Variants in SHROOM3 observed in about 807,000 individuals in gnomAD.
The protein encoded by SHROOM3 is shroom family member 3.
A neutral mutation model predicts 138.6 loss-of-function variants in SHROOM3; 47 were observed. That is an observed-to-expected ratio of 0.34 (90% CI 0.27 to 0.43). The LOEUF (loss-of-function observed/expected upper bound fraction) is 0.43. Among genes scored for constraint, SHROOM3 ranks in the 20% least tolerant of loss-of-function variants. The pLI is 1.00. For synonymous variants in SHROOM3, 1,062 were observed against 1,063.3 expected (o/e 1.00, Z 0.02); for missense variants, 2,491 against 2,596.5 (o/e 0.96, Z 0.88).
intron 5 of SHROOM3, among the ~76,000 whole-genome samples, chr4:76,745,015 G>T (rs1048080498): frequency 6.6e-6 from 1 of 152,222 alleles, no homozygotes; most frequent in African/African-American, 2.4e-5. Flanking sequence ...ACCTTCTCAT[G>T]TATTTGGCAG....
chr4:76,622,455 C>T (rs577040710), intron 2 of SHROOM3, among the ~76,000 whole-genome samples: 34 of 151,990 alleles, frequency 2.2e-4, no homozygotes, highest in Admixed American at 5.9e-4. Flanking sequence ...TGTTTTCAAA[C>T]GAACTGGTTC....
At chr4:76,713,605 G>A (rs1720292424) in intron 3 of SHROOM3, among the ~76,000 whole-genome samples, 1 of 152,146 alleles carries the variant, frequency 6.6e-6, no homozygotes, top group Admixed American at 6.5e-5. Context: ...ATGATTAAAA[G>A]TATAATATAG....
At chr4:76,671,167 C>G (rs565810168) in intron 2 of SHROOM3, among the ~76,000 whole-genome samples, 4 of 152,166 alleles carry the variant, frequency 2.6e-5, no homozygotes, top group Non-Finnish European at 5.9e-5. Flanking sequence ...ACCAAGCAGA[C>G]CCCTGGCCTC....
At chr4:76,454,200 C>T (rs576883798) in intron 1 of SHROOM3, among the ~76,000 whole-genome samples, 1 of 152,096 alleles carries the variant, frequency 6.6e-6, no homozygotes, top group African/African-American at 2.4e-5. Context: ...TCAACCACCA[C>T]ACCTGACTAA....
At position 76,741,045 on chromosome 4, in the gene SHROOM3, C is replaced by T. The variant is rs747506693; in HGVS notation, c.2872C>T (p.Arg958Trp). ...LGAPVASRSW[R>W]PRPSSAHVGL... is the part of the protein sequence containing the mutation. ...GGCGCCCGTGGCGTCGAGGTCCTGG[C>T]GGCCACGGCCTTCCTCGGCCCACGT... is the stretch of plus-strand genomic sequence containing the variant. The change falls in exon 5 of 11, where the codon CGG (arginine) becomes TGG (tryptophan). Residue 958 changes from arginine to tryptophan, a missense_variant. Physicochemically the swap from Arg to Trp is moderately radical, Grantham distance 101. Coordinates refer to ENST00000296043, the MANE Select transcript of SHROOM3 (RefSeq NM_020859.4). This position sits in a 1 kb window ranked among gnomAD's most constrained non-coding sequence, Gnocchi z 6.2. The T allele has an allele frequency of 2.0e-6, 3 of 1,491,374 alleles. No individual in the cohort carries two copies. Among genetic ancestry groups the T allele is most frequent in the Non-Finnish European group, 2.7e-6 (3 of 1,125,300 alleles). 92.4% of individuals were successfully genotyped at this position (1,491,374 alleles called of 1,614,324 possible).
rs79055696 is a variant in SHROOM3 at position 76,634,848 on chromosome 4, G to A, written c.324-75308G>A. ...GAAAGAGATGTATTGAACTCTGTTA[G>A]CACATACACACACTCTAAAAGCAGA... On this transcript the variant is annotated intron_variant, in intron 2 of 10. Coordinates refer to ENST00000296043, the MANE Select transcript of SHROOM3 (RefSeq NM_020859.4). Among the ~76,000 whole-genome samples, 307 of 152,278 alleles carry A rather than the reference G, an allele frequency of 2.0e-3. 1 individual carries two copies. Among genetic ancestry groups the A allele is most frequent in the African/African-American group, 7.1e-3 (297 of 41,548 alleles).
chr4:76,520,893 C>T (rs933828415), intron 1 of SHROOM3, among the ~76,000 whole-genome samples: 4 of 152,192 alleles, frequency 2.6e-5, no homozygotes, highest in Non-Finnish European at 4.4e-5. Flanking sequence ...ATCACCACAG[C>T]TTTTTCCCCA....
intron 2 of SHROOM3, among the ~76,000 whole-genome samples, chr4:76,647,234 T>C (rs372596757): frequency 6.6e-6 from 1 of 151,790 alleles, no homozygotes; most frequent in Admixed American, 6.6e-5. Context: ...AGGTAGAGAG[T>C]CGAGTGTTAG....
At chr4:76,446,578 A>G (rs1234095073) in intron 1 of SHROOM3, among the ~76,000 whole-genome samples, 2 of 152,170 alleles carry the variant, frequency 1.3e-5, no homozygotes, top group South Asian at 2.1e-4. Flanking sequence ...TAGGCCATGA[A>G]AAAACCTCAA....
In SHROOM3 at chr4:76,736,288, C is replaced by A. The variant is rs1412576935; in HGVS notation, c.588-2473C>A. 2.6e-5 allele frequency among the ~76,000 whole-genome samples: 4 copies of A among 152,226 alleles called. No individual in the cohort carries two copies. In the East Asian group the frequency reaches 7.7e-4, roughly 29 times the overall value. ...CCATTGAGTGCCGGGTCTGATTTCC[C>A]TGATCTGGCTGGCTTGGGAGCTATT... On this transcript the variant is annotated intron_variant, in intron 4 of 10. Coordinates refer to ENST00000296043, the MANE Select transcript of SHROOM3 (RefSeq NM_020859.4).
Position 76,578,601 on chromosome 4 carries a change from C to T in SHROOM3, c.323+22838C>T, listed in dbSNP as rs532518265. Among the ~76,000 whole-genome samples, 11 of 152,172 alleles carry T rather than the reference C, an allele frequency of 7.2e-5. No individual in the cohort carries two copies. The South Asian group carries it at 2.1e-3, about 29-fold the overall frequency. On this transcript the variant is annotated intron_variant, in intron 2 of 10. Coordinates refer to ENST00000296043, the MANE Select transcript of SHROOM3 (RefSeq NM_020859.4). ...CAGTTTCTCATGGCTAAGATGTGAA[C>T]GAGACAACAATAGGCAAAGCTCATT...
intron 2 of SHROOM3, among the ~76,000 whole-genome samples, chr4:76,623,274 C>T (rs1395940275): frequency 6.6e-6 from 1 of 152,182 alleles, no homozygotes; most frequent in Non-Finnish European, 1.5e-5. Flanking sequence ...CAACCAAAAT[C>T]CAAAAGTCTA....
intron 1 of SHROOM3, among the ~76,000 whole-genome samples, chr4:76,540,904 T>A (rs1733084050): frequency 1.3e-5 from 2 of 152,190 alleles, no homozygotes; most frequent in South Asian, 4.1e-4. Context: ...ATAGGGCATG[T>A]GTGTGCCTAT....
At chr4:76,753,515 C>T (rs1437029148) in intron 6 of SHROOM3, among the ~76,000 whole-genome samples, 1 of 152,178 alleles carries the variant, frequency 6.6e-6, no homozygotes, top group Admixed American at 6.5e-5. Context: ...GGTGGGTTTG[C>T]TGGAGAGCTT....
chr4:76,461,369 C>T (rs1579169269), intron 1 of SHROOM3, among the ~76,000 whole-genome samples: 1 of 152,306 alleles, frequency 6.6e-6, no homozygotes, highest in Non-Finnish European at 1.5e-5. Context: ...GAAACTCAGA[C>T]TTTCATGGAA....
At chr4:76,606,377 G>A (rs1430462932) in intron 2 of SHROOM3, among the ~76,000 whole-genome samples, 1 of 151,762 alleles carries the variant, frequency 6.6e-6, no homozygotes, top group Non-Finnish European at 1.5e-5. Flanking sequence ...CCAGTGTGGT[G>A]CATGTTAGCT....
intron 1 of SHROOM3, chr4:76,509,837 G>A (rs1732293882): frequency 6.6e-6 from 1 of 152,148 alleles, no homozygotes; most frequent in Admixed American, 6.5e-5. Context: ...CACATATTCA[G>A]AAGTGAGCTA....
At chr4:76,624,845 A>C (rs565690546) in intron 2 of SHROOM3, among the ~76,000 whole-genome samples, 10 of 152,364 alleles carry the variant, frequency 6.6e-5, no homozygotes, top group Admixed American at 3.3e-4. Context: ...ATGTTTACAA[A>C]ATTGTTTGAT....
chr4:76,493,624 C>T (rs953763709), intron 1 of SHROOM3, among the ~76,000 whole-genome samples: 8 of 152,176 alleles, frequency 5.3e-5, no homozygotes, highest in African/African-American at 9.7e-5. Context: ...TTCTTCCTCA[C>T]GCATTCTTAA....
Sources: gnomAD v4.1 joint callset for allele counts (sites outside exome capture counted in the v4.1 genomes callset) on GRCh38, gnomAD v4.1.1 for gene constraint, Gnocchi (gnomAD v3.1) non-coding constraint, MANE v1.5 for transcripts, NCBI Gene and HGNC (gene_info 2026-07-23, HGNC 2026-07-21) for gene names.